Variants in MECOM observed in about 807,000 individuals in gnomAD.
MECOM encodes histone-lysine N-methyltransferase MECOM.
MECOM carries 13 observed loss-of-function variants against 116.3 expected under a neutral mutation model. The observed-to-expected ratio is 0.11, with a 90% CI of 0.07 to 0.18. The LOEUF is 0.18. Among genes scored for constraint, MECOM ranks in the 10% least tolerant of loss-of-function variants. The probability of loss-of-function intolerance (pLI) is 1.00; values close to 1 mark genes in which losing one functional copy is unlikely to be tolerated. For synonymous variants in MECOM, 528 were observed against 535.2 expected (o/e 0.99, Z 0.19); for missense variants, 1,299 against 1,509.0 (o/e 0.86, Z 2.31).
intron 2 of MECOM, among the ~76,000 whole-genome samples, chr3:169,190,741 A>G (rs1366022490): frequency 6.6e-6 from 1 of 152,044 alleles, no homozygotes; most frequent in East Asian, 1.9e-4. Context: ...ACTTACAAAC[A>G]AAGGTAAAGA....
chr3:169,292,141 G>A (rs1428195763), intron 2 of MECOM, among the ~76,000 whole-genome samples: 1 of 152,026 alleles, frequency 6.6e-6, no homozygotes, highest in East Asian at 1.9e-4. Context: ...TCAGGAGTTT[G>A]AGAGCAGCCT....
intron 2 of MECOM, among the ~76,000 whole-genome samples, chr3:169,296,012 A>G (rs1352871021): frequency 6.6e-6 from 1 of 152,196 alleles, no homozygotes; most frequent in African/African-American, 2.4e-5. Context: ...GGCCTGATTC[A>G]ACCATAGTCT....
At chr3:169,336,400 T>A (rs777004740) in intron 2 of MECOM, among the ~76,000 whole-genome samples, 76 of 151,950 alleles carry the variant, frequency 5.0e-4, no homozygotes, top group Non-Finnish European at 9.6e-4. Context: ...GGAAAAAAAA[T>A]TTAATATTGT....
intron 2 of MECOM, among the ~76,000 whole-genome samples, chr3:169,157,032 G>A (rs1742103923): frequency 6.6e-6 from 1 of 152,168 alleles, no homozygotes; most frequent in African/African-American, 2.4e-5. Context: ...ATGAACTAAT[G>A]TTGTTCCAGA....
At chr3:169,499,634 G>C (rs1040409137) in intron 1 of MECOM, among the ~76,000 whole-genome samples, 3 of 151,822 alleles carry the variant, frequency 2.0e-5, no homozygotes, top group African/African-American at 7.3e-5. Flanking sequence ...AAAAGAATGG[G>C]ATGCAAGGAA....
chr3:169,149,900 C>A, intron 2 of MECOM: 1 of 313,058 alleles, frequency 3.2e-6, no homozygotes, highest in Non-Finnish European at 6.4e-6. Context: ...AGGAAGCTAA[C>A]AAAACACTAA....
At chr3:169,396,705 T>C (rs576413612) in intron 1 of MECOM, among the ~76,000 whole-genome samples, 1 of 152,314 alleles carries the variant, frequency 6.6e-6, no homozygotes, top group Admixed American at 6.5e-5. Context: ...GCATGGTGGC[T>C]CACGCCTGTA....
intron 1 of MECOM, among the ~76,000 whole-genome samples, chr3:169,480,372 T>TG (rs11411941): frequency 0.92 from 139,803 of 152,124 alleles, 64,337 homozygotes; most frequent in African/African-American, 0.96. Context: ...AACAAAAGGA[T>TG]TTACAAGGTG....
intron 1 of MECOM, among the ~76,000 whole-genome samples, chr3:169,403,527 G>T (rs746394098): frequency 6.6e-6 from 1 of 152,066 alleles, no homozygotes; most frequent in African/African-American, 2.4e-5. Context: ...CTGTCAAATT[G>T]CAATATACTT....
chr3:169,339,077 G>A (rs966545900), intron 2 of MECOM, among the ~76,000 whole-genome samples: 10 of 152,108 alleles, frequency 6.6e-5, no homozygotes, highest in Non-Finnish European at 1.0e-4. Context: ...AGGTAATTAG[G>A]TAAGACAAAT....
At chr3:169,120,548 G>A (rs1730680637) in intron 7 of MECOM, among the ~76,000 whole-genome samples, 1 of 152,016 alleles carries the variant, frequency 6.6e-6, no homozygotes, top group South Asian at 2.1e-4. Context: ...GGCAACAATG[G>A]GTAGATTAAA....
At chr3:169,630,548 G>T (rs1036763725) in intron 1 of MECOM, among the ~76,000 whole-genome samples, 2 of 151,766 alleles carry the variant, frequency 1.3e-5, no homozygotes, top group African/African-American at 4.8e-5. Context: ...AAATTTCTGG[G>T]CTCAAGCAAT....
At chr3:169,098,787 C>T (rs142603026) in intron 12 of MECOM, among the ~76,000 whole-genome samples, 6 of 152,146 alleles carry the variant, frequency 3.9e-5, no homozygotes, top group African/African-American at 1.4e-4. Flanking sequence ...CCCAGCCTGT[C>T]TGAGTGCTGG....
chr3:169,162,671 A>G (rs1743016747), intron 2 of MECOM, among the ~76,000 whole-genome samples: 1 of 152,188 alleles, frequency 6.6e-6, no homozygotes, highest in African/African-American at 2.4e-5. Flanking sequence ...TCATCCTCAC[A>G]TATTTTAAAA....
At chr3:169,327,171 C>T (rs911146534) in intron 2 of MECOM, among the ~76,000 whole-genome samples, 1 of 152,134 alleles carries the variant, frequency 6.6e-6, no homozygotes, top group Admixed American at 6.5e-5. Flanking sequence ...GAAACAAATG[C>T]TCTACCTTGC....
At chr3:169,183,888 G>A (rs1177466643) in intron 2 of MECOM, among the ~76,000 whole-genome samples, 16 of 144,810 alleles carry the variant, frequency 1.1e-4, no homozygotes, top group African/African-American at 3.8e-4. Flanking sequence ...TTAGTGAGAC[G>A]GAGTCTCCCT....
At chr3:169,652,296 T>C (rs888729550) in intron 1 of MECOM, among the ~76,000 whole-genome samples, 1 of 152,194 alleles carries the variant, frequency 6.6e-6, no homozygotes, top group African/African-American at 2.4e-5. Flanking sequence ...CATCCCTCCA[T>C]TCGTTTTTAT....
intron 1 of MECOM, chr3:169,566,174 C>G: frequency 4.3e-6 from 1 of 232,244 alleles, no homozygotes; most frequent in South Asian, 4.3e-5. Flanking sequence ...AGCCAACCAC[C>G]TCCCACCAGG....
intron 1 of MECOM, among the ~76,000 whole-genome samples, chr3:169,638,342 C>T (rs1232654723): frequency 3.9e-5 from 6 of 152,056 alleles, no homozygotes; most frequent in African/African-American, 4.8e-5. Context: ...GCATGTGGCC[C>T]CTTTGTGTGA....
Sources: allele counts gnomAD v4.1 joint callset (sites outside exome capture counted in the v4.1 genomes callset), GRCh38; gene constraint gnomAD v4.1.1; transcripts MANE v1.5; gene names NCBI Gene and HGNC (gene_info 2026-07-23, HGNC 2026-07-21).